The following GFPT1 variants were observed in gnomAD, a reference collection of about 807,000 sequenced individuals.
GFPT1 encodes the protein glutamine--fructose-6-phosphate aminotransferase [isomerizing] 1.
A neutral mutation model predicts 92.0 loss-of-function variants in GFPT1; 40 were observed. The observed-to-expected ratio is 0.43, with a 90% CI of 0.34 to 0.57. The LOEUF (loss-of-function observed/expected upper bound fraction) is 0.57. Ranked by LOEUF, GFPT1 falls within the 20% of genes least tolerant of loss-of-function variation. The pLI is 0.02. For missense variants in GFPT1, 448 were observed against 869.1 expected, an observed-to-expected ratio of 0.52 and a Z score of 6.09; for synonymous variants, 269 against 280.6, an observed-to-expected ratio of 0.96 and a Z score of 0.41.
At chr2:69,332,445 C>T (rs1321836946) in intron 15 of GFPT1, among the ~76,000 whole-genome samples, 1 of 151,720 alleles carries the variant, frequency 6.6e-6, no homozygotes, top group African/African-American at 2.4e-5. Context: ...CCCCAAGTAG[C>T]TGGGATTACA....
rs576998585 is a variant in GFPT1 at position 69,353,354 on chromosome 2, T to C, written c.739+905A>G. ...GAGTTTGAGACCAGCCTGGCCAACA[T>C]AGCAAGACTTCCTTTTTACAAATAA... On this transcript the variant is annotated intron_variant, in intron 9 of 19. Coordinates refer to ENST00000357308, the MANE Select transcript of GFPT1 (RefSeq NM_001244710.2). Among the ~76,000 whole-genome samples, 231 of 152,164 alleles carry C rather than the reference T, an allele frequency of 1.5e-3. 1 individual carries two copies. Among genetic ancestry groups the C allele is most frequent in the African/African-American group, 5.3e-3 (218 of 41,522 alleles).
At chr2:69,334,158 A>AAAT (rs369828974) in intron 15 of GFPT1, among the ~76,000 whole-genome samples, 6 of 151,864 alleles carry the variant, frequency 4.0e-5, no homozygotes, top group African/African-American at 1.5e-4. Context: ...CTCCATCTCA[A>AAAT]AATAATAATA....
At chr2:69,350,565 A>C (rs1007960726) in intron 9 of GFPT1, among the ~76,000 whole-genome samples, 1 of 152,214 alleles carries the variant, frequency 6.6e-6, no homozygotes, top group Admixed American at 6.5e-5. Flanking sequence ...AAGTTTGTGT[A>C]CCTATAATTA....
At chr2:69,345,790 C>A in intron 12 of GFPT1, 114 bp downstream of exon 12, 1 of 702,116 alleles carries the variant, frequency 1.4e-6, no homozygotes, top group Non-Finnish European at 2.6e-6. Context: ...CCACTGATGG[C>A]TGGCAGCTGT....
In GFPT1 at chr2:69,320,766, C is replaced by G. The variant is rs1189806077; in HGVS notation, c.*5423G>C. ...TTGCAGCACTGCATGCCAGCCTGGGCAACAGAGCAAAACTCCATCTCAAAA... is the reference window on the plus strand; with the variant it reads ...TTGCAGCACTGCATGCCAGCCTGGGGAACAGAGCAAAACTCCATCTCAAAA... On this transcript the variant is annotated 3_prime_UTR_variant, in exon 20 of 20. Coordinates refer to ENST00000357308, the MANE Select transcript of GFPT1 (RefSeq NM_001244710.2). The G allele has an allele frequency of 6.8e-6, 1 of 146,812 alleles. No individual in the cohort carries two copies. Among genetic ancestry groups the G allele is most frequent in the Non-Finnish European group, 1.5e-5 (1 of 67,346 alleles). The allele number at this position is 146,812 out of a possible 1,614,324, so 9.1% of individuals were successfully genotyped here. A position where few individuals can be genotyped will look rare whatever the true frequency, so the allele number is the denominator to read the frequency against.
chr2:69,383,856 G>A (rs1013520452), intron 1 of GFPT1, among the ~76,000 whole-genome samples: 16 of 152,144 alleles, frequency 1.1e-4, no homozygotes, highest in African/African-American at 3.9e-4. Flanking sequence ...TCAAACTCCT[G>A]ACCTCAGGTG....
Position 69,321,601 on chromosome 2 carries a change from C to T in GFPT1, c.*4588G>A, listed in dbSNP as rs1264767461. 1.3e-5 allele frequency: 2 copies of T among 152,178 alleles called. No individual in the cohort carries two copies. The highest frequency in any genetic ancestry group is 4.8e-5 in the African/African-American group (2 of 41,450). 9.4% of individuals were successfully genotyped at this position (152,178 alleles called of 1,614,324 possible). A position where few individuals can be genotyped will look rare whatever the true frequency, so the allele number is the denominator to read the frequency against. ...ACATGAGGAAGAAATGACCAACTGG[C>T]TCAGTAAACTAAACATTCATTTCAA... On this transcript the variant is annotated 3_prime_UTR_variant, in exon 20 of 20. Coordinates refer to ENST00000357308, the MANE Select transcript of GFPT1 (RefSeq NM_001244710.2).
At chr2:69,386,174 T>C (rs1672123576) in intron 1 of GFPT1, among the ~76,000 whole-genome samples, 1 of 152,026 alleles carries the variant, frequency 6.6e-6, no homozygotes, top group African/African-American at 2.4e-5. Flanking sequence ...GACACGATTC[T>C]CAAAGTCTCT....
chr2:69,384,693 C>CAAAAAAAAAAAAAAAAAAAAA (rs71964630), intron 1 of GFPT1, among the ~76,000 whole-genome samples: 6 of 106,622 alleles, frequency 5.6e-5, no homozygotes, highest in Admixed American at 1.2e-4. Flanking sequence ...GGCCCCGTCA[C>CAAAAAAAAAAAAAAAAAAAAA]AAAAAAAAAA....
At chr2:69,345,837 C>A (rs1671067836) in intron 12 of GFPT1, 67 bp downstream of exon 12, 2 of 892,410 alleles carry the variant, frequency 2.2e-6, no homozygotes, top group Admixed American at 3.4e-5. Context: ...AATGAACTTT[C>A]AGGTTGTTAA....
intron 15 of GFPT1, among the ~76,000 whole-genome samples, chr2:69,336,637 A>AC (rs1480697358): frequency 1.7e-5 from 1 of 59,224 alleles, no homozygotes; most frequent in Non-Finnish European, 4.4e-5. Flanking sequence ...CCCCATCTTA[A>AC]AAAAAAAAAA....
chr2:69,359,432 C>T lies in GFPT1; in HGVS notation c.350-106G>A, dbSNP rs535154583. The T allele has an allele frequency of 8.6e-5, 58 of 675,690 alleles. No homozygotes were observed. In the Admixed American group the frequency reaches 1.0e-3, roughly 12 times the overall value. 41.9% of individuals were successfully genotyped at this position (675,690 alleles called of 1,614,324 possible). ...TCTCAAGTCAAAAATTTTTAACATG[C>T]TATATACTATTTATGTTATTTATAA... On this transcript the variant is annotated intron_variant, in intron 4 of 19. Coordinates refer to ENST00000357308, the MANE Select transcript of GFPT1 (RefSeq NM_001244710.2).
intron 14 of GFPT1, among the ~76,000 whole-genome samples, 179 bp downstream of exon 14, chr2:69,338,266 A>G (rs1202045697): frequency 6.6e-6 from 1 of 152,208 alleles, no homozygotes; most frequent in Non-Finnish European, 1.5e-5. Context: ...AGCTCTTTGA[A>G]CACAAAAGGT....
At chr2:69,329,594 G>T in intron 16 of GFPT1, 90 bp downstream of exon 16, 1 of 1,012,124 alleles carries the variant, frequency 9.9e-7, no homozygotes, top group Non-Finnish European at 1.6e-6. Context: ...TGACTAAATA[G>T]CTACAAGCCA....
chr2:69,326,399 C>A (rs1205586989), intron 19 of GFPT1, among the ~76,000 whole-genome samples, 166 bp from the exon 20 acceptor site: 1 of 152,084 alleles, frequency 6.6e-6, no homozygotes, highest in Non-Finnish European at 1.5e-5. Flanking sequence ...AATATAATCA[C>A]ATAATGTGTC....
intron 13 of GFPT1, among the ~76,000 whole-genome samples, chr2:69,340,768 T>A (rs1232085323): frequency 2.0e-5 from 3 of 152,194 alleles, no homozygotes; most frequent in Non-Finnish European, 4.4e-5. Flanking sequence ...ACTACAGTAG[T>A]CTTGGCATCC....
chr2:69,365,815 T>A (rs1361005438), intron 3 of GFPT1, among the ~76,000 whole-genome samples: 2 of 152,166 alleles, frequency 1.3e-5, no homozygotes, highest in African/African-American at 2.4e-5. Context: ...CTACTTTTTT[T>A]ATTTTTTTTT....
Position 69,320,461 on chromosome 2 carries a change from A to G in GFPT1, c.*5728T>C, listed in dbSNP as rs1484514088. The G allele has an allele frequency of 6.6e-6, 1 of 152,204 alleles. No homozygotes were observed. Among genetic ancestry groups the G allele is most frequent in the Non-Finnish European group, 1.5e-5 (1 of 68,042 alleles). 9.4% of individuals were successfully genotyped at this position (152,204 alleles called of 1,614,324 possible). ...GTGACAGAGGCAAAAATTAATTCCT[A>G]AAGATCCAAAGGGTATACAATACCT... On this transcript the variant is annotated 3_prime_UTR_variant, in exon 20 of 20. Transcript: ENST00000357308.
chr2:69,366,346 ATAAAT>A (rs1210913357), intron 3 of GFPT1, among the ~76,000 whole-genome samples: 2 of 152,212 alleles, frequency 1.3e-5, no homozygotes, highest in African/African-American at 4.8e-5. Context: ...TTCCTGTCAT[ATAAAT>A]TAATCATGAC....
Sources: allele counts gnomAD v4.1 joint callset (sites outside exome capture counted in the v4.1 genomes callset), GRCh38; gene constraint gnomAD v4.1.1; transcripts MANE v1.5; gene names NCBI Gene and HGNC (gene_info 2026-07-23, HGNC 2026-07-21).